UNC13B: variants seen among roughly 807,000 people sequenced by gnomAD.
UNC13B encodes the protein protein unc-13 homolog B.
In UNC13B, 144 loss-of-function variants were observed where a neutral mutation model predicts 211.0. The ratio of observed to expected loss-of-function variants is 0.68; its 90% CI spans 0.60 to 0.78. The LOEUF (loss-of-function observed/expected upper bound fraction) is 0.78. Among genes scored for constraint, UNC13B ranks in the 30% least tolerant of loss-of-function variants. The probability of loss-of-function intolerance (pLI) is 0.00; values close to 1 mark genes in which losing one functional copy is unlikely to be tolerated. For synonymous variants in UNC13B, 709 were observed against 725.8 expected (o/e 0.98, Z 0.37); for missense variants, 1,777 against 2,002.0 (o/e 0.89, Z 2.14).
chr9:35,199,477 T>C (rs1823150384), intron 1 of UNC13B, among the ~76,000 whole-genome samples: 1 of 152,188 alleles, frequency 6.6e-6, no homozygotes, highest in African/African-American at 2.4e-5. Context: ...AAAGCATTCC[T>C]ATTTCTCCAT....
At position 35,311,733 on chromosome 9, in the gene UNC13B, C is replaced by T. The variant is rs529787679; in HGVS notation, c.9323+952C>T. The stretch of plus-strand genomic sequence containing the variant: ...TTTTGTTTTTCCCTGGCTGAGAAAC[C>T]CAGGACAGAGTTAAGAAAGAATTGA... On this transcript the variant is annotated intron_variant, in intron 10 of 39. Transcript: ENST00000635942. 3.3e-5 allele frequency among the ~76,000 whole-genome samples: 5 copies of T among 152,154 alleles called. No individual in the cohort carries two copies. The South Asian group carries it at 1.0e-3, about 32-fold the overall frequency.
chr9:35,399,088 G>T, intron 33 of UNC13B, 54 bp downstream of exon 33: 1 of 1,613,650 alleles, frequency 6.2e-7, no homozygotes, highest in Non-Finnish European at 8.5e-7. Context: ...AGATGCTATC[G>T]GGCAAGGGAG....
chr9:35,255,892 A>T (rs1253929321), intron 6 of UNC13B, among the ~76,000 whole-genome samples: 1 of 152,120 alleles, frequency 6.6e-6, no homozygotes, highest in Non-Finnish European at 1.5e-5. Flanking sequence ...CTTTTTGGAA[A>T]ATAGCTATTA....
intron 11 of UNC13B, among the ~76,000 whole-genome samples, chr9:35,332,350 A>G (rs531261522): frequency 6.6e-6 from 1 of 152,152 alleles, no homozygotes; most frequent in Non-Finnish European, 1.5e-5. Flanking sequence ...TATTTTCACT[A>G]TAATTTCCCA....
Position 35,382,360 on chromosome 9 carries a change from C to A in UNC13B, c.10659C>A (p.His3553Gln). Residue 3553 changes from histidine to glutamine, a missense_variant, in exon 21 of 40, where the codon CAC becomes CAA. Coordinates refer to ENST00000635942, the MANE Select transcript of UNC13B (RefSeq NM_001371189.2). ...GIESIYQAMT[H>Q]FACLSSKYMC... Reference sequence around the variant, plus strand: ...CTGCGGGTGCTGTGTTTTTCAGGCACTTTGCATGTTTATCATCCAAGTACA... The same window carrying A: ...CTGCGGGTGCTGTGTTTTTCAGGCAATTTGCATGTTTATCATCCAAGTACA... The A allele has an allele frequency of 1.2e-6, 2 of 1,611,136 alleles. No homozygotes were observed. Among genetic ancestry groups the A allele is most frequent in the African/African-American group, 2.7e-5 (2 of 74,856 alleles).
chr9:35,245,338 T>G lies in UNC13B; in HGVS notation c.468+1974T>G, dbSNP rs559467958. Among the ~76,000 whole-genome samples the G allele has an allele frequency of 1.2e-4, 18 of 144,160 alleles. 1 individual carries two copies. The highest frequency in any genetic ancestry group is 3.6e-3 in the Middle Eastern group (1 of 278). The allele number at this position is 144,160 out of a possible 152,430, so 94.6% of individuals were successfully genotyped here. On this transcript the variant is annotated intron_variant, in intron 6 of 39. Transcript: ENST00000635942. ...CTGCATATCAGATTTTTGCTTTCTG[T>G]TTTTTTTTTTTAATTTTATTATTTT...
At chr9:35,167,754 A>ATTTTTTTTTTTT in intron 1 of UNC13B, among the ~76,000 whole-genome samples, 2 of 115,668 alleles carry the variant, frequency 1.7e-5, no homozygotes, top group Admixed American at 9.3e-5. Flanking sequence ...TGCCTGGCTA[A>ATTTTTTTTTTTT]TTTTTTTTTT....
intron 11 of UNC13B, among the ~76,000 whole-genome samples, chr9:35,334,592 G>A (rs1587643106): frequency 6.6e-6 from 1 of 152,066 alleles, no homozygotes; most frequent in African/African-American, 2.4e-5. Context: ...TTATTATTTT[G>A]GCTTTCTACG....
At chr9:35,169,218 G>T (rs1468825591) in intron 1 of UNC13B, among the ~76,000 whole-genome samples, 1 of 152,184 alleles carries the variant, frequency 6.6e-6, no homozygotes, top group African/African-American at 2.4e-5. Context: ...AGCTGTGCGT[G>T]TTGACGCATG....
chr9:35,295,820 T>C lies in UNC13B; in HGVS notation c.651T>C (p.Pro217=). ...SQPNASVHQF[P]VPVRSPQQLL... ...CCAACGCTTCTGTGCACCAGTTCCC[T>C]GTGCCGGTGCGATCGCCACAGCAGC... Residue 217 remains proline, a synonymous_variant, in exon 8 of 40, where the codon CCT becomes CCC. Transcript: ENST00000635942. The C allele has an allele frequency of 6.2e-7, 1 of 1,614,172 alleles. No homozygotes were observed. Among genetic ancestry groups the C allele is most frequent in the Non-Finnish European group, 8.5e-7 (1 of 1,180,016 alleles).
intron 7 of UNC13B, among the ~76,000 whole-genome samples, chr9:35,273,578 T>C (rs1042248456): frequency 1.3e-5 from 2 of 152,240 alleles, no homozygotes; most frequent in African/African-American, 4.8e-5. Flanking sequence ...GTCTTATTTC[T>C]AATATTCTAC....
chr9:35,243,844 T>C (rs1332323720), intron 6 of UNC13B, among the ~76,000 whole-genome samples: 2 of 152,150 alleles, frequency 1.3e-5, no homozygotes, highest in Non-Finnish European at 2.9e-5. Context: ...TTGGAGAATG[T>C]TTTTGTTATT....
At position 35,327,694 on chromosome 9, in the gene UNC13B, A is replaced by G. The variant is rs551839134; in HGVS notation, c.9414+13705A>G. ...AACACCCTCACAACACCCAGAAACA[A>G]TACTTCCCCAGCCATCTATCTAGGC... is the stretch of plus-strand genomic sequence containing the variant. On this transcript the variant is annotated intron_variant, in intron 11 of 39. Transcript: ENST00000635942. 3.6e-4 allele frequency among the ~76,000 whole-genome samples: 55 copies of G among 152,204 alleles called. 1 individual carries two copies. Among genetic ancestry groups the G allele is most frequent in the African/African-American group, 1.2e-3 (50 of 41,536 alleles).
chr9:35,230,310 A>C (rs1024321830), intron 2 of UNC13B, among the ~76,000 whole-genome samples: 8 of 151,874 alleles, frequency 5.3e-5, no homozygotes, highest in Admixed American at 4.6e-4. Flanking sequence ...ATCTCTACTA[A>C]AAATACAAAA....
At chr9:35,263,894 C>T (rs909219594) in intron 7 of UNC13B, among the ~76,000 whole-genome samples, 1 of 152,140 alleles carries the variant, frequency 6.6e-6, no homozygotes, top group Non-Finnish European at 1.5e-5. Flanking sequence ...AATCAGCTAG[C>T]CAGCCCCTTG....
At chr9:35,251,340 C>T (rs1826473078) in intron 6 of UNC13B, among the ~76,000 whole-genome samples, 1 of 152,124 alleles carries the variant, frequency 6.6e-6, no homozygotes, top group Non-Finnish European at 1.5e-5. Flanking sequence ...AATCCCAGCA[C>T]TCTGGGGGGG....
Position 35,162,230 on chromosome 9 carries a change from A to C in UNC13B, c.-54A>C. The C allele has an allele frequency of 1.3e-6, 2 of 1,541,976 alleles. No individual in the cohort carries two copies. Among genetic ancestry groups the C allele is most frequent in the Non-Finnish European group, 1.7e-6 (2 of 1,146,560 alleles). ...GTCGCGGCACCTGCTGAGAGGAAAG[A>C]GGGAGCGGTCCGGCGCGGCTGGGGC... On this transcript the variant is annotated 5_prime_UTR_variant, in exon 1 of 40. Transcript: ENST00000635942.
At chr9:35,195,995 T>C (rs991166101) in intron 1 of UNC13B, among the ~76,000 whole-genome samples, 1 of 152,272 alleles carries the variant, frequency 6.6e-6, no homozygotes, top group African/African-American at 2.4e-5. Context: ...TGCATACATA[T>C]ATATACAGGG....
At chr9:35,242,322 TC>T (rs1289225292) in intron 5 of UNC13B, among the ~76,000 whole-genome samples, 5 of 152,126 alleles carry the variant, frequency 3.3e-5, no homozygotes, top group African/African-American at 1.2e-4. Flanking sequence ...AAATTTAGCA[TC>T]TTAACCATTT....
Sources: allele counts gnomAD v4.1 joint callset (sites outside exome capture counted in the v4.1 genomes callset), GRCh38; gene constraint gnomAD v4.1.1; transcripts MANE v1.5; gene names NCBI Gene and HGNC (gene_info 2026-07-23, HGNC 2026-07-21).